Variants in POU6F2 observed in about 807,000 individuals in gnomAD.
The protein encoded by POU6F2 is POU domain, class 6, transcription factor 2.
In POU6F2, 31 loss-of-function variants were observed where a neutral mutation model predicts 71.3. That is an observed-to-expected ratio of 0.43 (90% CI 0.33 to 0.59). POU6F2 has a LOEUF of 0.59. Ranked by LOEUF, POU6F2 falls within the 20% of genes least tolerant of loss-of-function variation. The probability of loss-of-function intolerance (pLI) is 0.04; values close to 1 mark genes in which losing one functional copy is unlikely to be tolerated. For missense variants in POU6F2, 783 were observed against 856.8 expected (o/e 0.91, Z 1.07); for synonymous variants, 347 against 355.7 (o/e 0.98, Z 0.27).
chr7:38,990,930 A>G (rs934407632), intron 1 of POU6F2, among the ~76,000 whole-genome samples: 1 of 152,126 alleles, frequency 6.6e-6, no homozygotes, highest in Non-Finnish European at 1.5e-5. Context: ...GATTTTGTGC[A>G]TTAAGATCTT....
At chr7:39,086,387 G>T (rs1791246445) in intron 2 of POU6F2, among the ~76,000 whole-genome samples, 1 of 152,112 alleles carries the variant, frequency 6.6e-6, no homozygotes, top group African/African-American at 2.4e-5. Flanking sequence ...CTCGGTTTCA[G>T]GTTGCTTCGC....
At chr7:39,369,930 G>A (rs1183044217) in intron 5 of POU6F2, among the ~76,000 whole-genome samples, 1 of 151,548 alleles carries the variant, frequency 6.6e-6, no homozygotes, top group African/African-American at 2.4e-5. Flanking sequence ...CTGGGCTCAA[G>A]CAATACTCCT....
At chr7:39,389,019 A>T (rs1340454784) in intron 5 of POU6F2, among the ~76,000 whole-genome samples, 1 of 152,106 alleles carries the variant, frequency 6.6e-6, no homozygotes, top group Non-Finnish European at 1.5e-5. Flanking sequence ...ATATCTGTAC[A>T]CTTCAGTTTA....
intron 6 of POU6F2, among the ~76,000 whole-genome samples, chr7:39,414,086 TA>T (rs1174675960): frequency 3.3e-5 from 5 of 152,094 alleles, no homozygotes; most frequent in African/African-American, 1.2e-4. Context: ...TTAACTTTCT[TA>T]ACCCTGTATT....
chr7:39,021,503 C>T (rs1392166597), intron 1 of POU6F2, among the ~76,000 whole-genome samples: 1 of 151,818 alleles, frequency 6.6e-6, no homozygotes, highest in Non-Finnish European at 1.5e-5. Context: ...AATGTTAGTT[C>T]CATAATGTAT....
At chr7:39,017,432 A>G (rs859513) in intron 1 of POU6F2, among the ~76,000 whole-genome samples, 15,732 of 152,226 alleles carry the variant, frequency 0.1, 868 homozygotes, top group Non-Finnish European at 0.12. Context: ...TATTATCACA[A>G]TATTCTTCTA....
At chr7:39,405,133 G>C (rs1301932071) in intron 5 of POU6F2, 1 of 152,182 alleles carries the variant, frequency 6.6e-6, no homozygotes, top group Non-Finnish European at 1.5e-5. Context: ...CTGAAGAACA[G>C]TTGTGTGAAA....
intron 1 of POU6F2, among the ~76,000 whole-genome samples, chr7:39,032,540 T>A (rs1421037212): frequency 6.6e-6 from 1 of 152,228 alleles, no homozygotes; most frequent in Non-Finnish European, 1.5e-5. Context: ...TGCCCAAGGA[T>A]GTTGTACATG....
chr7:39,002,750 T>G (rs1025279559), intron 1 of POU6F2, among the ~76,000 whole-genome samples: 4 of 152,404 alleles, frequency 2.6e-5, no homozygotes, highest in Admixed American at 1.3e-4. Flanking sequence ...TTTCTTCAAG[T>G]GACTACAAGT....
chr7:39,008,764 A>T (rs1789168171), intron 1 of POU6F2, among the ~76,000 whole-genome samples: 1 of 151,314 alleles, frequency 6.6e-6, no homozygotes, highest in Non-Finnish European at 1.5e-5. Context: ...TCCCAGCACC[A>T]TTTATTAAAT....
At position 39,460,722 on chromosome 7, in the gene POU6F2, C is replaced by A; in HGVS notation, c.1658+7C>A. On this transcript the variant is annotated splice_region_variant and intron_variant, in intron 9 of 9. Coordinates refer to ENST00000518318, the MANE Select transcript of POU6F2 (RefSeq NM_001370959.1). The surrounding 1 kb of genome is among the most constrained non-coding windows in gnomAD (Gnocchi z 4.4). The stretch of plus-strand genomic sequence containing the variant: ...GCCAGTCGGCCATCTGCAGGTAACG[C>A]GCGCCTGCATGCTGTCACCTCTTCT... 1.3e-6 allele frequency: 2 copies of A among 1,583,978 alleles called. No individual in the cohort carries two copies. The highest frequency in any genetic ancestry group is 1.7e-6 in the Non-Finnish European group (2 of 1,163,962).
At chr7:39,246,359 G>T (rs1174946522) in intron 4 of POU6F2, among the ~76,000 whole-genome samples, 1 of 152,120 alleles carries the variant, frequency 6.6e-6, no homozygotes, top group Non-Finnish European at 1.5e-5. Context: ...ATTGTGATTA[G>T]TACTACCAAA....
intron 1 of POU6F2, among the ~76,000 whole-genome samples, chr7:39,016,158 TATA>T (rs1161368694): frequency 4.6e-5 from 5 of 107,780 alleles, no homozygotes; most frequent in African/African-American, 1.3e-4. Flanking sequence ...TATATATAGA[TATA>T]ATATTATGTA....
chr7:39,025,318 T>C (rs1006772723), intron 1 of POU6F2, among the ~76,000 whole-genome samples: 2 of 152,188 alleles, frequency 1.3e-5, no homozygotes, highest in African/African-American at 4.8e-5. Context: ...AGGACAAAGC[T>C]GGAGGCATCA....
rs1788913242 is a variant in POU6F2 at position 39,460,218 on chromosome 7, A to G, written c.1490-329A>G. On this transcript the variant is annotated intron_variant, in intron 8 of 9. Transcript: ENST00000518318. The surrounding 1 kb of genome is among the most constrained non-coding windows in gnomAD (Gnocchi z 4.4). ...TTGAACATACTTATGGGCAAAATGG[A>G]GTCGCATTCCCATAGCAAGTGCCTC... Among the ~76,000 whole-genome samples the G allele has an allele frequency of 6.6e-6, 1 of 152,226 alleles. No homozygotes were observed. The highest frequency in any genetic ancestry group is 2.4e-5 in the African/African-American group (1 of 41,458).
chr7:39,188,395 T>G (rs2128742773), intron 2 of POU6F2, among the ~76,000 whole-genome samples: 1 of 152,208 alleles, frequency 6.6e-6, no homozygotes, highest in African/African-American at 2.4e-5. Context: ...TCACTACAAC[T>G]TCCGCCTCCT....
chr7:39,175,063 G>A lies in POU6F2; in HGVS notation c.278-29172G>A, dbSNP rs142875400. Among the ~76,000 whole-genome samples, 338 of 152,222 alleles carry A rather than the reference G, an allele frequency of 2.2e-3. 6 individuals are homozygous for A. The highest frequency in any genetic ancestry group is 0.018 in the Admixed American group (282 of 15,278). ...TTGGTTATGGTGCCACACTATCAGT[G>A]TATGTGTATGTGTGTGTGTGTGTTC... is the stretch of plus-strand genomic sequence containing the variant. On this transcript the variant is annotated intron_variant, in intron 2 of 9. Transcript: ENST00000518318.
At chr7:39,404,591 T>G (rs557809261) in intron 5 of POU6F2, 1 of 152,314 alleles carries the variant, frequency 6.6e-6, no homozygotes, top group Admixed American at 6.5e-5. Context: ...TGAACATAAT[T>G]TAATCATTTG....
intron 1 of POU6F2, among the ~76,000 whole-genome samples, chr7:39,023,696 G>A (rs554081192): frequency 2.4e-4 from 36 of 152,160 alleles, no homozygotes; most frequent in African/African-American, 8.2e-4. Flanking sequence ...TTATACATTT[G>A]TAAAATCTAA....
Sources: allele counts gnomAD v4.1 joint callset (sites outside exome capture counted in the v4.1 genomes callset), GRCh38; gene constraint gnomAD v4.1.1; non-coding constraint Gnocchi (gnomAD v3.1); transcripts MANE v1.5; gene names NCBI Gene and HGNC (gene_info 2026-07-23, HGNC 2026-07-21).